Variants in ASH2L observed in about 807,000 individuals in gnomAD.
The protein encoded by ASH2L is set1/Ash2 histone methyltransferase complex subunit ASH2.
In ASH2L, 30 loss-of-function variants were observed where a neutral mutation model predicts 81.1. That is an observed-to-expected ratio of 0.37 (90% CI 0.28 to 0.50). The LOEUF is 0.50. ASH2L is among the 20% of genes least tolerant of loss of function. The pLI, the probability that ASH2L is intolerant of heterozygous loss-of-function variation, is 0.95. For missense variants in ASH2L, 559 were observed against 792.1 expected (o/e 0.71, Z 3.53); for synonymous variants, 273 against 279.9 (o/e 0.98, Z 0.24).
chr8:38,110,647 A>G (rs1810644019), intron 4 of ASH2L, 92 bp from the exon 5 acceptor site: 2 of 1,232,196 alleles, frequency 1.6e-6, no homozygotes, highest in Non-Finnish European at 1.2e-6. Flanking sequence ...TGCTGCTATA[A>G]TTGTTATTTT....
chr8:38,135,613 T>A, intron 13 of ASH2L, 55 bp from the exon 14 acceptor site: 9 of 1,364,770 alleles, frequency 6.6e-6, no homozygotes, highest in Non-Finnish European at 5.1e-6. Context: ...AGAGAGTTCT[T>A]TTTTTGTTTG....
chr8:38,136,963 C>A (rs1339027044), intron 14 of ASH2L, among the ~76,000 whole-genome samples: 1 of 151,562 alleles, frequency 6.6e-6, no homozygotes, highest in Non-Finnish European at 1.5e-5. Context: ...GTGATGGCCA[C>A]GCGCCTATAA....
intron 12 of ASH2L, among the ~76,000 whole-genome samples, chr8:38,129,172 G>A (rs1801964114): frequency 6.6e-6 from 1 of 152,160 alleles, no homozygotes; most frequent in Non-Finnish European, 1.5e-5. Flanking sequence ...GTGCACTACA[G>A]AGAAAATGAC....
At chr8:38,119,393 A>T (rs558770992) in intron 9 of ASH2L, 30 bp downstream of exon 9, 1 of 1,469,410 alleles carries the variant, frequency 6.8e-7, no homozygotes, top group Admixed American at 2.6e-5. Flanking sequence ...TGCCCCCCTC[A>T]CTATTTAAGT....
intron 3 of ASH2L, among the ~76,000 whole-genome samples, chr8:38,107,906 A>G (rs200039278): frequency 0.036 from 3,825 of 105,872 alleles, 120 homozygotes; most frequent in African/African-American, 0.1. Flanking sequence ...GTGTGTGTGT[A>G]TATGTATATA....
intron 10 of ASH2L, among the ~76,000 whole-genome samples, chr8:38,123,514 T>C (rs1801714636): frequency 6.6e-6 from 1 of 152,242 alleles, no homozygotes; most frequent in African/African-American, 2.4e-5. Flanking sequence ...GTTCTTTTCT[T>C]CCCCACTTCC....
In ASH2L at chr8:38,127,574, C is replaced by T. The variant is rs931859220; in HGVS notation, c.1166-717C>T. On this transcript the variant is annotated intron_variant, in intron 10 of 15. Coordinates refer to ENST00000343823, the MANE Select transcript of ASH2L (RefSeq NM_004674.5). Reference sequence around the variant, plus strand: ...CCAGCCTGACCAATATGGTGAAACCCGTCTGTACTAAAAATACGAAAATTA... The same window carrying T: ...CCAGCCTGACCAATATGGTGAAACCTGTCTGTACTAAAAATACGAAAATTA... 9.3e-5 allele frequency among the ~76,000 whole-genome samples: 14 copies of T among 150,842 alleles called. No homozygotes were observed. The South Asian group carries it at 3.0e-3, about 32-fold the overall frequency.
In ASH2L at chr8:38,114,979, C is replaced by G; in HGVS notation, c.756C>G (p.Pro252=). ...PGSKDPEEDY[P]KFGLLDQDLS... Reference sequence around the variant, plus strand: ...GTAAAGATCCAGAAGAAGATTACCCCAAATTTGGACTTTTGGATCAGGTAC... The same window carrying G: ...GTAAAGATCCAGAAGAAGATTACCCGAAATTTGGACTTTTGGATCAGGTAC... The change falls in exon 7 of 16, where the codon CCC becomes CCG. Residue 252 remains proline (P), a synonymous_variant. Transcript: ENST00000343823. 3 of 1,611,272 alleles carry G rather than the reference C, an allele frequency of 1.9e-6. No homozygotes were observed. The African/African-American group carries it at 4.0e-5, about 21-fold the overall frequency.
rs776282192 is a variant in ASH2L at position 38,110,851 on chromosome 8, G to A, written c.585+18G>A. The A allele has an allele frequency of 1.9e-6, 3 of 1,596,504 alleles. No individual in the cohort carries two copies. The South Asian group carries it at 3.3e-5, about 18-fold the overall frequency. The stretch of plus-strand genomic sequence containing the variant: ...AAGATAAGGTAGAGGTGGAACTAAT[G>A]TGATTGCAGTTATATTGAAGAGTTA... On this transcript the variant is annotated intron_variant, in intron 5 of 15. Transcript: ENST00000343823.
chr8:38,119,388 C>G, intron 9 of ASH2L, 25 bp downstream of exon 9: 1 of 1,482,634 alleles, frequency 6.7e-7, no homozygotes. Flanking sequence ...CACCCTGCCC[C>G]CCTCACTATT....
At chr8:38,113,882 G>A (rs535048387) in intron 5 of ASH2L, among the ~76,000 whole-genome samples, 6 of 152,290 alleles carry the variant, frequency 3.9e-5, no homozygotes, top group African/African-American at 1.4e-4. Context: ...GAATAATTTG[G>A]GAGTCATCTT....
At chr8:38,112,539 A>G (rs938112867) in intron 5 of ASH2L, among the ~76,000 whole-genome samples, 2 of 152,136 alleles carry the variant, frequency 1.3e-5, no homozygotes, top group African/African-American at 4.8e-5. Context: ...CTGAGATTAC[A>G]GTTGTGAGCC....
rs116182648 is a variant in ASH2L at position 38,111,476 on chromosome 8, C to T, written c.585+643C>T. On this transcript the variant is annotated intron_variant, in intron 5 of 15. Transcript: ENST00000343823. ...CATCACGGCTCACCGAAGACTTGACCTCCTGGGCTCAGGTGATCCTCCCAC... is the reference window on the plus strand; with the variant it reads ...CATCACGGCTCACCGAAGACTTGACTTCCTGGGCTCAGGTGATCCTCCCAC... 4.8e-3 allele frequency among the ~76,000 whole-genome samples: 729 copies of T among 152,054 alleles called. 11 individuals are homozygous for T. Among genetic ancestry groups the T allele is most frequent in the African/African-American group, 0.017 (690 of 41,472 alleles).
chr8:38,108,526 A>AG (rs1261770233), intron 3 of ASH2L, among the ~76,000 whole-genome samples: 3 of 151,372 alleles, frequency 2.0e-5, no homozygotes, highest in African/African-American at 2.4e-5. Context: ...TTAAAAAAAA[A>AG]AAAAGGTGGG....
chr8:38,116,841 T>C, intron 8 of ASH2L, 116 bp downstream of exon 8: 3 of 853,400 alleles, frequency 3.5e-6, no homozygotes, highest in Non-Finnish European at 5.3e-6. Context: ...AAAATGCTTT[T>C]ATAGTTCAAA....
intron 12 of ASH2L, among the ~76,000 whole-genome samples, chr8:38,132,979 C>T (rs912103714): frequency 6.6e-5 from 10 of 151,430 alleles, no homozygotes; most frequent in Admixed American, 2.6e-4. Context: ...CCCAGCTACT[C>T]GAGAGCCTGA....
chr8:38,107,858 A>G (rs1810509645), intron 3 of ASH2L, among the ~76,000 whole-genome samples: 1 of 144,710 alleles, frequency 6.9e-6, no homozygotes, highest in South Asian at 2.3e-4. Flanking sequence ...GATTGTGAAG[A>G]AATACATATA....
chr8:38,138,183 G>A (rs2300072), intron 14 of ASH2L: 4,671 of 152,390 alleles, frequency 0.031, 265 homozygotes, highest in East Asian at 0.24. Flanking sequence ...GGGAAGCTGA[G>A]GTGGGAGGAT....
At chr8:38,114,822 C>T in intron 6 of ASH2L, 83 bp from the exon 7 acceptor site, 1 of 898,420 alleles carries the variant, frequency 1.1e-6, no homozygotes, top group Non-Finnish European at 1.8e-6. Context: ...TAGGAATTGA[C>T]TTTTAGAGTT....
Sources: allele counts gnomAD v4.1 joint callset (sites outside exome capture counted in the v4.1 genomes callset), GRCh38; gene constraint gnomAD v4.1.1; transcripts MANE v1.5; gene names NCBI Gene and HGNC (gene_info 2026-07-23, HGNC 2026-07-21).